AP1M1: variants seen among roughly 807,000 people sequenced by gnomAD.
AP1M1 encodes AP-1 complex subunit mu-1.
AP1M1 carries 18 observed loss-of-function variants against 57.1 expected under a neutral mutation model. That is an observed-to-expected ratio of 0.32 (90% CI 0.22 to 0.47). The LOEUF is 0.47. AP1M1 is among the 20% of genes least tolerant of loss of function. The probability of loss-of-function intolerance (pLI) is 1.00; values close to 1 mark genes in which losing one functional copy is unlikely to be tolerated. For missense variants in AP1M1, 362 were observed against 593.5 expected (o/e 0.61, Z 4.05); for synonymous variants, 241 against 237.9 (o/e 1.01, Z -0.12).
At chr19:16,208,265 C>G in intron 4 of AP1M1, 116 bp downstream of exon 4, 3 of 1,189,016 alleles carry the variant, frequency 2.5e-6, no homozygotes, top group Non-Finnish European at 3.5e-6. Context: ...CCACCTGCCT[C>G]CCACCTCCAG....
chr19:16,208,254 C>G (rs1337028068), intron 4 of AP1M1, 105 bp downstream of exon 4: 3 of 1,291,050 alleles, frequency 2.3e-6, no homozygotes, highest in Middle Eastern at 2.0e-4. Flanking sequence ...CATGTTGTCC[C>G]CCACCTGCCT....
At chr19:16,231,242 T>G (rs12982836) in intron 9 of AP1M1, among the ~76,000 whole-genome samples, 1 of 144,336 alleles carries the variant, frequency 6.9e-6, no homozygotes, top group South Asian at 2.2e-4. Context: ...GAGCCAAGAT[T>G]GCACCACTGC....
chr19:16,234,127 G>A (rs2145145122), intron 10 of AP1M1, 72 bp from the exon 11 acceptor site: 1 of 1,470,284 alleles, frequency 6.8e-7, no homozygotes, highest in Admixed American at 2.2e-5. Context: ...GGCTGCCCCA[G>A]CAGGAAAGAT....
Position 16,203,575 on chromosome 19 carries a change from G to T in AP1M1, c.159G>T (p.Gly53=), listed in dbSNP as rs141457321. 11 of 1,613,872 alleles carry T rather than the reference G, an allele frequency of 6.8e-6. No homozygotes were observed. The highest frequency in any genetic ancestry group is 2.7e-5 in the African/African-American group (2 of 74,930). Residue 53 remains glycine (G), a synonymous_variant, in exon 2 of 12, where the codon GGG becomes GGT. Coordinates refer to ENST00000291439, the MANE Select transcript of AP1M1 (RefSeq NM_032493.4). The surrounding 1 kb of genome is among the most constrained non-coding windows in gnomAD (Gnocchi z 4.6). ...EGMLSPILAH[G]GVRFMWIKHN... is the part of the protein sequence containing the mutation. ...TGCTGTCGCCCATCCTGGCCCACGG[G>T]GGGGTCCGTTTCATGTGGATCAAAC... is the stretch of plus-strand genomic sequence containing the variant.
chr19:16,216,631 C>T (rs536372862), intron 5 of AP1M1, among the ~76,000 whole-genome samples: 1 of 152,222 alleles, frequency 6.6e-6, no homozygotes, highest in Non-Finnish European at 1.5e-5. Context: ...TATTTGATGA[C>T]CCTGGGGGTT....
chr19:16,206,984 G>A lies in AP1M1; in HGVS notation c.267+576G>A, dbSNP rs566724356. On this transcript the variant is annotated intron_variant, in intron 3 of 11. Coordinates refer to ENST00000291439, the MANE Select transcript of AP1M1 (RefSeq NM_032493.4). The surrounding 1 kb of genome is among the most constrained non-coding windows in gnomAD (Gnocchi z 4.3). ...AAGAGGGCGGATTATACAGGAGTGT[G>A]GATTTCATTCCACTTCTGATGAAAG... 1.2e-3 allele frequency among the ~76,000 whole-genome samples: 186 copies of A among 152,320 alleles called. 1 individual carries two copies. Among genetic ancestry groups the A allele is most frequent in the Non-Finnish European group, 2.1e-3 (146 of 68,030 alleles).
intron 5 of AP1M1, among the ~76,000 whole-genome samples, chr19:16,213,387 G>C (rs969708143): frequency 6.6e-6 from 1 of 152,042 alleles, no homozygotes; most frequent in Non-Finnish European, 1.5e-5. Flanking sequence ...AGTCTGTTTT[G>C]TCTGAAATTA....
intron 10 of AP1M1, chr19:16,233,973 C>T (rs1218442898): frequency 1.4e-5 from 8 of 571,212 alleles, no homozygotes; most frequent in East Asian, 6.0e-5. Flanking sequence ...CTGCTGAGGC[C>T]GTGTCTGCAA....
In AP1M1 at chr19:16,241,594, C is replaced by T. The variant is rs866297802; in HGVS notation, c.*7159C>T. 2.0e-5 allele frequency: 3 copies of T among 152,010 alleles called. No homozygotes were observed. The highest frequency in any genetic ancestry group is 4.8e-5 in the African/African-American group (2 of 41,366). 9.4% of individuals were successfully genotyped at this position (152,010 alleles called of 1,614,324 possible). ...TGGGAGGAGATTCGGCTAAAGTCCACGAGGGCCACGTATTTATATATAATT... is the reference window on the plus strand; with the variant it reads ...TGGGAGGAGATTCGGCTAAAGTCCATGAGGGCCACGTATTTATATATAATT... On this transcript the variant is annotated 3_prime_UTR_variant, in exon 12 of 12. Transcript: ENST00000291439.
intron 9 of AP1M1, among the ~76,000 whole-genome samples, 181 bp downstream of exon 9, chr19:16,229,109 G>A (rs2091584756): frequency 6.6e-6 from 1 of 152,240 alleles, no homozygotes; most frequent in Admixed American, 6.5e-5. Context: ...AGCAGAGGCT[G>A]ACTCGGCCCC....
At chr19:16,225,093 A>G (rs192404799) in intron 5 of AP1M1, among the ~76,000 whole-genome samples, 1 of 152,208 alleles carries the variant, frequency 6.6e-6, no homozygotes, top group African/African-American at 2.4e-5. Flanking sequence ...ACAGAACCGG[A>G]GCCCTTGGGG....
rs1435023726 is a variant in AP1M1, at chr19:16,235,229, A to G, written c.*794A>G. 2.0e-5 allele frequency: 3 copies of G among 152,140 alleles called. No individual in the cohort carries two copies. Among genetic ancestry groups the G allele is most frequent in the Non-Finnish European group, 2.9e-5 (2 of 68,060 alleles). 9.4% of individuals were successfully genotyped at this position (152,140 alleles called of 1,614,324 possible). On this transcript the variant is annotated 3_prime_UTR_variant, in exon 12 of 12. Coordinates refer to ENST00000291439, the MANE Select transcript of AP1M1 (RefSeq NM_032493.4). ...AGACGCCAGCCTCAGACTTTTTCCC[A>G]CTGAGGGTCCAGAGAGCGGGGCCAC... is the stretch of plus-strand genomic sequence containing the variant.
rs2091636504 is a variant in AP1M1 at position 16,239,239 on chromosome 19, C to CTCTTTTT, written c.*4805_*4806insCTTTTTT. ...TGAGCCACCGCGCCCGGCCAGTTCT[C>CTCTTTTT]TTTTTTTTTTTTTTTTTTTTTTTTT... On this transcript the variant is annotated 3_prime_UTR_variant, in exon 12 of 12. Coordinates refer to ENST00000291439, the MANE Select transcript of AP1M1 (RefSeq NM_032493.4). The CTCTTTTT allele has an allele frequency of 2.5e-5, 1 of 39,232 alleles. No individual in the cohort carries two copies. The highest frequency in any genetic ancestry group is 8.9e-5 in the African/African-American group (1 of 11,246). 2.4% of individuals were successfully genotyped at this position (39,232 alleles called of 1,614,324 possible).
chr19:16,236,882 C>T lies in AP1M1; in HGVS notation c.*2447C>T, dbSNP rs1234490818. Reference sequence around the variant, plus strand: ...CACGTGCATGAAAGCAAACTTGAAACAGCAGGATCAGATCCTCACGAACTT... The same window carrying T: ...CACGTGCATGAAAGCAAACTTGAAATAGCAGGATCAGATCCTCACGAACTT... On this transcript the variant is annotated 3_prime_UTR_variant, in exon 12 of 12. Coordinates refer to ENST00000291439, the MANE Select transcript of AP1M1 (RefSeq NM_032493.4). 1 of 148,800 alleles carries T rather than the reference C, an allele frequency of 6.7e-6. No individual in the cohort carries two copies. 9.2% of individuals were successfully genotyped at this position (148,800 alleles called of 1,614,324 possible). A position where few individuals can be genotyped will look rare whatever the true frequency, so the allele number is the denominator to read the frequency against.
At chr19:16,199,268 G>C (rs1000752763) in intron 1 of AP1M1, among the ~76,000 whole-genome samples, 4 of 152,172 alleles carry the variant, frequency 2.6e-5, no homozygotes, top group Non-Finnish European at 5.9e-5. Context: ...CCCTGAGGAG[G>C]GGTGACAAAT....
At position 16,206,417 on chromosome 19, in the gene AP1M1, C is replaced by G. The variant is rs201614039; in HGVS notation, c.267+9C>G. 1 of 1,613,838 alleles carries G rather than the reference C, an allele frequency of 6.2e-7. No individual in the cohort carries two copies. Among genetic ancestry groups the G allele is most frequent in the Non-Finnish European group, 8.5e-7 (1 of 1,179,890 alleles). On this transcript the variant is annotated intron_variant, in intron 3 of 11. Coordinates refer to ENST00000291439, the MANE Select transcript of AP1M1 (RefSeq NM_032493.4). The surrounding 1 kb of genome is among the most constrained non-coding windows in gnomAD (Gnocchi z 4.3). ...TCTATAAGGTGGTGCAGGTGAGTCT[C>G]GCTCGGAGGGGCCGTGGGCTTGGGT... is the stretch of plus-strand genomic sequence containing the variant.
chr19:16,213,169 G>A (rs1218476185), intron 5 of AP1M1, among the ~76,000 whole-genome samples: 1 of 152,176 alleles, frequency 6.6e-6, no homozygotes, highest in Non-Finnish European at 1.5e-5. Flanking sequence ...CCAGTGATCT[G>A]TCTAATACTG....
intron 5 of AP1M1, among the ~76,000 whole-genome samples, chr19:16,213,740 G>A (rs1004429921): frequency 3.3e-5 from 5 of 152,078 alleles, no homozygotes; most frequent in Admixed American, 6.6e-5. Flanking sequence ...TGATCCACTC[G>A]CCTCGGCCTC....
intron 1 of AP1M1, among the ~76,000 whole-genome samples, chr19:16,200,690 G>A (rs575015080): frequency 2.6e-5 from 4 of 152,202 alleles, no homozygotes; most frequent in African/African-American, 9.6e-5. Context: ...CACTGGGCTG[G>A]GAGGAAGCTG....
Sources: gnomAD v4.1 joint callset for allele counts (sites outside exome capture counted in the v4.1 genomes callset) on GRCh38, gnomAD v4.1.1 for gene constraint, Gnocchi (gnomAD v3.1) non-coding constraint, MANE v1.5 for transcripts, NCBI Gene and HGNC (gene_info 2026-07-23, HGNC 2026-07-21) for gene names.